Variants in HDC observed in about 807,000 individuals in gnomAD.
The protein encoded by HDC is histidine decarboxylase.
A neutral mutation model predicts 64.4 loss-of-function variants in HDC; 27 were observed. The ratio of observed to expected loss-of-function variants is 0.42; its 90% CI spans 0.31 to 0.58. The LOEUF (loss-of-function observed/expected upper bound fraction) is 0.58. HDC is among the 20% of genes least tolerant of loss of function. The pLI is 0.16. For synonymous variants in HDC, 305 were observed against 314.2 expected, an observed-to-expected ratio of 0.97 and a Z score of 0.31; for missense variants, 711 against 833.9, an observed-to-expected ratio of 0.85 and a Z score of 1.81.
At position 50,248,461 on chromosome 15, in the gene HDC, G is replaced by T; in HGVS notation, c.1042-118C>A. The T allele has an allele frequency of 1.4e-6, 1 of 737,190 alleles. No individual in the cohort carries two copies. Among genetic ancestry groups the T allele is most frequent in the Non-Finnish European group, 2.4e-6 (1 of 416,722 alleles). 45.7% of individuals were successfully genotyped at this position (737,190 alleles called of 1,614,324 possible). On this transcript the variant is annotated intron_variant, in intron 9 of 11. Transcript: ENST00000267845. The surrounding 1 kb of genome is among the most constrained non-coding windows in gnomAD (Gnocchi z 4.3). Reference sequence around the variant, plus strand: ...CTCCAGGGATGGACGATGTCACCATGACTCTGGGAGCTGTTGCTAAGGAGT... The same window carrying T: ...CTCCAGGGATGGACGATGTCACCATTACTCTGGGAGCTGTTGCTAAGGAGT...
rs758807969 is a variant in HDC at position 50,265,618 on chromosome 15, C to T, written c.6G>A (p.Met2Ile). The part of the protein sequence containing the change: M[M>I]EPEEYRERGR... Reference sequence around the variant, plus strand: ...CTCTCTCTCTGTACTCCTCAGGCTCCATCATCTCCCTTGGGCTCTGGCTCC... The same window carrying T: ...CTCTCTCTCTGTACTCCTCAGGCTCTATCATCTCCCTTGGGCTCTGGCTCC... The change falls in exon 1 of 12, where the codon ATG (methionine) becomes ATA (isoleucine). Residue 2 changes from methionine to isoleucine, a missense_variant. Transcript: ENST00000267845. The T allele has an allele frequency of 3.8e-5, 62 of 1,613,796 alleles. No individual in the cohort carries two copies. Among genetic ancestry groups the T allele is most frequent in the Non-Finnish European group, 5.2e-5 (61 of 1,179,822 alleles).
chr15:50,253,566 C>T, intron 7 of HDC, 34 bp downstream of exon 7: 2 of 1,582,440 alleles, frequency 1.3e-6, no homozygotes, highest in Non-Finnish European at 1.7e-6. Context: ...AAATGTATTC[C>T]TTGTCTTCCT....
In HDC at chr15:50,248,351, C is replaced by T; in HGVS notation, c.1042-8G>A. ...CAGGGGGATCTGCCAGTGCTAGAAA[C>T]AAAGGAACACAGTGCCCAAGGTTAG... On this transcript the variant is annotated splice_polypyrimidine_tract_variant and splice_region_variant and intron_variant, in intron 9 of 11. Coordinates refer to ENST00000267845, the MANE Select transcript of HDC (RefSeq NM_002112.4). The surrounding 1 kb of genome is among the most constrained non-coding windows in gnomAD (Gnocchi z 4.3). The T allele has an allele frequency of 1.2e-6, 2 of 1,605,114 alleles. No individual in the cohort carries two copies. Among genetic ancestry groups the T allele is most frequent in the Non-Finnish European group, 8.5e-7 (1 of 1,172,030 alleles).
intron 2 of HDC, among the ~76,000 whole-genome samples, chr15:50,261,474 T>A (rs2045701475): frequency 6.6e-6 from 1 of 152,134 alleles, no homozygotes; most frequent in South Asian, 2.1e-4. Flanking sequence ...AAGAGATGAG[T>A]GGCTTTGTAT....
intron 10 of HDC, 95 bp from the exon 11 acceptor site, chr15:50,243,339 A>G: frequency 2.3e-6 from 2 of 852,352 alleles, no homozygotes; most frequent in Admixed American, 3.7e-5. Context: ...AACCAGGGCC[A>G]TCTTCCCGTC....
chr15:50,250,555 G>A (rs1176124840), intron 9 of HDC, among the ~76,000 whole-genome samples: 1 of 152,138 alleles, frequency 6.6e-6, no homozygotes, highest in East Asian at 1.9e-4. Context: ...AAGATCCTGA[G>A]GCACTGTGGT....
intron 6 of HDC, chr15:50,253,872 G>C: frequency 1.6e-6 from 1 of 643,888 alleles, no homozygotes; most frequent in Non-Finnish European, 2.7e-6. Flanking sequence ...TGAAAAAAAA[G>C]TTTCATAAAA....
At chr15:50,245,395 GGAT>G (rs575390454) in intron 10 of HDC, among the ~76,000 whole-genome samples, 1 of 151,952 alleles carries the variant, frequency 6.6e-6, no homozygotes, top group Non-Finnish European at 1.5e-5. Context: ...TAGGAGATGA[GGAT>G]GATGATGATG....
At chr15:50,251,845 G>A (rs545515344) in intron 9 of HDC, among the ~76,000 whole-genome samples, 3 of 148,710 alleles carry the variant, frequency 2.0e-5, no homozygotes, top group Admixed American at 2.0e-4. Flanking sequence ...AAAAAAAAAA[G>A]AAAGAAAGAA....
In HDC at chr15:50,263,414, G is replaced by A. The variant is rs1434153580; in HGVS notation, c.32-7C>T. On this transcript the variant is annotated splice_polypyrimidine_tract_variant and splice_region_variant and intron_variant, in intron 1 of 11. Transcript: ENST00000267845. The stretch of plus-strand genomic sequence containing the variant: ...TAATCCACCATCTCTCTCCCTAGAA[G>A]TGACATAGAGAAATCAGGCTGAAAT... 2 of 1,613,874 alleles carry A rather than the reference G, an allele frequency of 1.2e-6. No individual in the cohort carries two copies. Among genetic ancestry groups the A allele is most frequent in the Admixed American group, 1.7e-5 (1 of 59,994 alleles).
At chr15:50,257,012 T>C (rs2045641356) in intron 4 of HDC, among the ~76,000 whole-genome samples, 1 of 152,210 alleles carries the variant, frequency 6.6e-6, no homozygotes, top group Non-Finnish European at 1.5e-5. Context: ...ATACCGTTAA[T>C]CAGTTTATGC....
chr15:50,253,208 G>A (rs2045581864), intron 7 of HDC: 1 of 372,212 alleles, frequency 2.7e-6, no homozygotes, highest in Admixed American at 4.0e-5. Context: ...TCTCTCCCAT[G>A]ATTTCCCCTA....
intron 6 of HDC, 197 bp from the exon 7 acceptor site, chr15:50,253,863 GAA>G: frequency 1.5e-6 from 1 of 645,348 alleles, no homozygotes; most frequent in Non-Finnish European, 2.7e-6. Context: ...GTGTGTATTT[GAA>G]AAAAAAGTTT....
At chr15:50,250,024 T>C (rs1260048018) in intron 9 of HDC, among the ~76,000 whole-genome samples, 1 of 152,236 alleles carries the variant, frequency 6.6e-6, no homozygotes, top group East Asian at 1.9e-4. Flanking sequence ...TGTAAGGTCC[T>C]TGCAGGGCTC....
At chr15:50,261,917 C>T (rs1198135995) in intron 2 of HDC, among the ~76,000 whole-genome samples, 23 of 151,970 alleles carry the variant, frequency 1.5e-4, no homozygotes, top group Admixed American at 1.2e-3. Flanking sequence ...CCATGTTGGT[C>T]AGGCTGGTCT....
At chr15:50,254,784 G>T (rs1257545274) in intron 4 of HDC, 120 bp from the exon 5 acceptor site, 1 of 950,158 alleles carries the variant, frequency 1.1e-6, no homozygotes. Context: ...CTCTGTGTGT[G>T]TATGTGTTTG....
chr15:50,254,586 G>T lies in HDC; in HGVS notation c.520C>A (p.Pro174Thr), dbSNP rs1376537758. 1.2e-6 allele frequency: 2 copies of T among 1,614,078 alleles called. No individual in the cohort carries two copies. Among genetic ancestry groups the T allele is most frequent in the Non-Finnish European group, 1.7e-6 (2 of 1,180,050 alleles). ...NKILEMKTSEPDADESCLNAR... is the reference protein window; with the variant it reads ...NKILEMKTSETDADESCLNAR... Reference sequence around the variant, plus strand: ...TTTAGGCAGGACTCATCAGCATCGGGCTCAGACGTTTTCATTTCCAGGATT... The same window carrying T: ...TTTAGGCAGGACTCATCAGCATCGGTCTCAGACGTTTTCATTTCCAGGATT... The change falls in exon 5 of 12, where the codon CCC becomes ACC. Residue 174 changes from proline (P) to threonine (T), a missense_variant. Physicochemically the swap from Pro to Thr is conservative, Grantham distance 38. Coordinates refer to ENST00000267845, the MANE Select transcript of HDC (RefSeq NM_002112.4).
At chr15:50,262,204 G>T (rs1041568731) in intron 2 of HDC, among the ~76,000 whole-genome samples, 1 of 152,058 alleles carries the variant, frequency 6.6e-6, no homozygotes, top group Non-Finnish European at 1.5e-5. Context: ...GCACATTCAG[G>T]CACCCACCAG....
At chr15:50,263,453 C>G in intron 1 of HDC, 46 bp from the exon 2 acceptor site, 3 of 1,587,828 alleles carry the variant, frequency 1.9e-6, no homozygotes, top group Non-Finnish European at 2.6e-6. Flanking sequence ...CTGACTGGGC[C>G]TGACCGATTT....
Sources: allele counts gnomAD v4.1 joint callset (sites outside exome capture counted in the v4.1 genomes callset), GRCh38; gene constraint gnomAD v4.1.1; non-coding constraint Gnocchi (gnomAD v3.1); transcripts MANE v1.5; gene names NCBI Gene and HGNC (gene_info 2026-07-23, HGNC 2026-07-21).